STX8: variants seen among roughly 807,000 people sequenced by gnomAD.
STX8 encodes the protein syntaxin-8.
A neutral mutation model predicts 37.5 loss-of-function variants in STX8; 23 were observed. That is an observed-to-expected ratio of 0.61 (90% CI 0.44 to 0.87). The LOEUF is 0.87. STX8 is among the 40% of genes least tolerant of loss of function. The probability of loss-of-function intolerance (pLI) is 0.00; values close to 1 mark genes in which losing one functional copy is unlikely to be tolerated. For synonymous variants in STX8, 115 were observed against 99.1 expected, an observed-to-expected ratio of 1.16 and a Z score of -0.95; for missense variants, 313 against 284.7, an observed-to-expected ratio of 1.10 and a Z score of -0.71.
At chr17:9,381,625 T>C (rs1179444608) in intron 6 of STX8, among the ~76,000 whole-genome samples, 1 of 152,078 alleles carries the variant, frequency 6.6e-6, no homozygotes, top group African/African-American at 2.4e-5. Flanking sequence ...TCCTTATACC[T>C]CCCACCCCTA....
chr17:9,559,646 CAAGGA>C (rs1907124471), intron 2 of STX8, among the ~76,000 whole-genome samples: 1 of 143,234 alleles, frequency 7.0e-6, no homozygotes, highest in Non-Finnish European at 1.5e-5. Flanking sequence ...ACAAGGACTA[CAAGGA>C]AAGATGAGAT....
chr17:9,542,545 C>CG (rs1906322842), intron 4 of STX8, among the ~76,000 whole-genome samples: 1 of 144,780 alleles, frequency 6.9e-6, no homozygotes, highest in African/African-American at 2.6e-5. Flanking sequence ...GGCATGGTGG[C>CG]GGGCGCCTGT....
intron 7 of STX8, among the ~76,000 whole-genome samples, chr17:9,369,026 T>G (rs1020400522): frequency 3.3e-5 from 5 of 151,938 alleles, no homozygotes; most frequent in Non-Finnish European, 5.9e-5. Context: ...GTTCAAGGGA[T>G]CCTCCCATCC....
intron 6 of STX8, among the ~76,000 whole-genome samples, chr17:9,414,124 A>G (rs1312217896): frequency 1.5e-3 from 9 of 5,926 alleles, no homozygotes; most frequent in East Asian, 0.013. Flanking sequence ...CCATCCATCC[A>G]TCCAACCATC....
chr17:9,479,179 TCA>T (rs1323176374), intron 6 of STX8, among the ~76,000 whole-genome samples: 4 of 152,206 alleles, frequency 2.6e-5, no homozygotes, highest in Admixed American at 2.6e-4. Flanking sequence ...CTAAACTCTC[TCA>T]GTTTAGATAT....
At chr17:9,423,110 T>C (rs1913503465) in intron 6 of STX8, among the ~76,000 whole-genome samples, 1 of 152,232 alleles carries the variant, frequency 6.6e-6, no homozygotes, top group South Asian at 2.1e-4. Flanking sequence ...CATATATACA[T>C]ATCTGGGTAA....
intron 6 of STX8, among the ~76,000 whole-genome samples, chr17:9,471,030 G>GTTTTT (rs1567574843): frequency 2.8e-5 from 1 of 35,534 alleles, no homozygotes; most frequent in African/African-American, 1.0e-4. Context: ...ACTGCATCCT[G>GTTTTT]CTTTTTTTTT....
chr17:9,412,751 TAA>T (rs1468636770), intron 6 of STX8, among the ~76,000 whole-genome samples: 1 of 152,082 alleles, frequency 6.6e-6, no homozygotes, highest in East Asian at 1.9e-4. Flanking sequence ...CTTCAGCATT[TAA>T]GAGTTTCTGT....
At chr17:9,504,802 GT>G (rs1169208982) in intron 5 of STX8, among the ~76,000 whole-genome samples, 14 of 151,546 alleles carry the variant, frequency 9.2e-5, no homozygotes, top group Admixed American at 1.3e-4. Context: ...GTGAAACCCT[GT>G]CTGTACTAAA....
At chr17:9,438,797 G>A (rs1369716923) in intron 6 of STX8, among the ~76,000 whole-genome samples, 1 of 151,940 alleles carries the variant, frequency 6.6e-6, no homozygotes, top group Non-Finnish European at 1.5e-5. Context: ...GGCGGTGGTG[G>A]TGGCGCCTGT....
chr17:9,413,581 T>C (rs1033108593), intron 6 of STX8, among the ~76,000 whole-genome samples: 7 of 152,118 alleles, frequency 4.6e-5, no homozygotes, highest in African/African-American at 1.7e-4. Context: ...TCTCCATTGT[T>C]TTTCCCCCTA....
chr17:9,319,717 C>A lies in STX8; in HGVS notation c.643+58835G>T, dbSNP rs139138253. ...CCTGTAATCCCAGCACTTTGGGAGG[C>A]CGAGGTGGGTAGATCACGAGGTCAG... is the stretch of plus-strand genomic sequence containing the variant. On this transcript the variant is annotated intron_variant, in intron 7 of 7. Coordinates refer to ENST00000306357, the MANE Select transcript of STX8 (RefSeq NM_004853.3). 9.0e-3 allele frequency among the ~76,000 whole-genome samples: 1,371 copies of A among 152,126 alleles called. 19 individuals are homozygous for A. The highest frequency in any genetic ancestry group is 0.03 in the African/African-American group (1,265 of 41,500).
At chr17:9,267,431 T>C (rs888868320) in intron 7 of STX8, among the ~76,000 whole-genome samples, 1 of 152,200 alleles carries the variant, frequency 6.6e-6, no homozygotes, top group Non-Finnish European at 1.5e-5. Context: ...GCTATGACCC[T>C]TCCCCATGTG....
chr17:9,390,069 G>C (rs1407731016), intron 6 of STX8, among the ~76,000 whole-genome samples: 1 of 152,172 alleles, frequency 6.6e-6, no homozygotes, highest in Non-Finnish European at 1.5e-5. Flanking sequence ...CCAGGCTTTG[G>C]GGACACAGGG....
chr17:9,340,649 A>ATTTTTTTTTTTTTTTT (rs66679333), intron 7 of STX8, among the ~76,000 whole-genome samples: 6 of 62,112 alleles, frequency 9.7e-5, no homozygotes, highest in Admixed American at 2.8e-4. Context: ...GTTGCACTTG[A>ATTTTTTTTTTTTTTTT]TTTTTTTTTT....
chr17:9,337,742 C>A lies in STX8; in HGVS notation c.643+40810G>T, dbSNP rs1457491039. Among the ~76,000 whole-genome samples, 5 of 152,172 alleles carry A rather than the reference C, an allele frequency of 3.3e-5. No individual in the cohort carries two copies. The East Asian group carries it at 7.7e-4, about 23-fold the overall frequency. On this transcript the variant is annotated intron_variant, in intron 7 of 7. Coordinates refer to ENST00000306357, the MANE Select transcript of STX8 (RefSeq NM_004853.3). ...GAGGACATACCATCCCAAATCAACC[C>A]TGAAGGACTGAAAAGTTAGTGAAGG...
chr17:9,280,108 C>T (rs1440244886), intron 7 of STX8, among the ~76,000 whole-genome samples: 2 of 152,138 alleles, frequency 1.3e-5, no homozygotes, highest in Non-Finnish European at 1.5e-5. Flanking sequence ...CTAGTCCCAG[C>T]TACTGCGAGG....
intron 7 of STX8, among the ~76,000 whole-genome samples, chr17:9,360,123 C>T (rs550689015): frequency 6.6e-6 from 1 of 151,956 alleles, no homozygotes; most frequent in South Asian, 2.1e-4. Context: ...CTATTTTAAC[C>T]TTGCCATAAT....
At chr17:9,415,644 C>T (rs1359642347) in intron 6 of STX8, among the ~76,000 whole-genome samples, 1 of 152,138 alleles carries the variant, frequency 6.6e-6, no homozygotes, top group Non-Finnish European at 1.5e-5. Context: ...TGGCAGGCGC[C>T]TGTAGTCCCA....
Sources: gnomAD v4.1 joint callset for allele counts (sites outside exome capture counted in the v4.1 genomes callset) on GRCh38, gnomAD v4.1.1 for gene constraint, MANE v1.5 for transcripts, NCBI Gene and HGNC (gene_info 2026-07-23, HGNC 2026-07-21) for gene names.